ENPP5: variants seen among roughly 807,000 people sequenced by gnomAD.
The protein encoded by ENPP5 is E-NPP 5.
In ENPP5, 27 loss-of-function variants were observed where a neutral mutation model predicts 33.7. The observed-to-expected ratio is 0.80, with a 90% CI of 0.59 to 1.11. The LOEUF (loss-of-function observed/expected upper bound fraction) is 1.11, where lower values mean the gene tolerates loss of function less well. ENPP5 is among the 50% of genes least tolerant of loss of function. The probability of loss-of-function intolerance (pLI) is 0.00; values close to 1 mark genes in which losing one functional copy is unlikely to be tolerated. For missense variants in ENPP5, 552 were observed against 579.2 expected (o/e 0.95, Z 0.48); for synonymous variants, 199 against 200.5 (o/e 0.99, Z 0.06).
chr6:46,167,434 C>A lies in ENPP5; in HGVS notation c.829G>T (p.Gly277Cys). The A allele has an allele frequency of 6.3e-7, 1 of 1,597,150 alleles. No individual in the cohort carries two copies. Among genetic ancestry groups the A allele is most frequent in the Non-Finnish European group, 8.6e-7 (1 of 1,166,106 alleles). The stretch of plus-strand genomic sequence containing the variant: ...TCACCATTCATTCAGTCAGCCTTAC[C>A]TTCTTTTGGCAAGATGGCTGCTACT... The part of the protein sequence containing the change: ...SPVAAILPKE[G>C]KFDEVYEALT... Residue 277 changes from glycine to cysteine, a missense_variant and splice_region_variant, in exon 3 of 5, where the codon GGT (glycine) becomes TGT (cysteine). Gly to Cys is a radical substitution (Grantham distance 159, BLOSUM62 -3). Transcript: ENST00000371383.
At chr6:46,168,749 G>A (rs370465619) in intron 2 of ENPP5, among the ~76,000 whole-genome samples, 4 of 151,412 alleles carry the variant, frequency 2.6e-5, no homozygotes, top group Admixed American at 2.0e-4. Context: ...TCGAATAATG[G>A]TGCATATACA....
chr6:46,166,537 A>G (rs12526912), intron 3 of ENPP5, among the ~76,000 whole-genome samples: 65,606 of 149,248 alleles, frequency 0.44, 15,765 homozygotes, highest in South Asian at 0.67. Flanking sequence ...CTGCTGCCTC[A>G]GCCTCCCAAA....
At chr6:46,165,158 T>A (rs551837863) in intron 4 of ENPP5, 1 of 398,622 alleles carries the variant, frequency 2.5e-6, no homozygotes, top group Non-Finnish European at 4.4e-6. Context: ...ATAAACATGA[T>A]AGAAACCCAA....
chr6:46,161,833 C>G, intron 4 of ENPP5, 80 bp from the exon 5 acceptor site: 1 of 967,294 alleles, frequency 1.0e-6, no homozygotes, highest in East Asian at 2.4e-5. Flanking sequence ...AAATTCTGAA[C>G]TTAAATGCAC....
In ENPP5 at chr6:46,161,599, T is replaced by C. The variant is rs1581966024; in HGVS notation, c.1161A>G (p.Pro387=). ...LCHLLNITAM[P]HNGSFWNVQD... is the part of the protein sequence containing the mutation. ...GGACATTCCAGAATGATCCATTGTG[T>C]GGCATGGCGGTGATATTGAGGAGGT... Residue 387 remains proline, a synonymous_variant, in exon 5 of 5, where the codon CCA becomes CCG. Transcript: ENST00000371383. The C allele has an allele frequency of 1.9e-6, 3 of 1,614,116 alleles. No homozygotes were observed. The East Asian group carries it at 6.7e-5, about 36-fold the overall frequency.
chr6:46,167,815 A>AG lies in ENPP5; in HGVS notation c.447dup (p.Phe150LeufsTer10). ...TTGTAAGGCATGTAATGAGTAGGAA[A>AG]GCGCTTATGTATTTTTACATCTGTT... On this transcript the variant is annotated frameshift_variant, in exon 3 of 5. Coordinates refer to ENST00000371383, the MANE Select transcript of ENPP5 (RefSeq NM_001290072.2). LOFTEE classifies it high-confidence loss of function. 1 of 1,614,148 alleles carries AG rather than the reference A, an allele frequency of 6.2e-7. No individual in the cohort carries two copies. The highest frequency in any genetic ancestry group is 8.5e-7 in the Non-Finnish European group (1 of 1,180,006).
chr6:46,167,608 TGA>T lies in ENPP5; in HGVS notation c.653_654del (p.Leu218HisfsTer20). 2 of 1,613,872 alleles carry T rather than the reference TGA, an allele frequency of 1.2e-6. No individual in the cohort carries two copies. Among genetic ancestry groups the T allele is most frequent in the South Asian group, 2.2e-5 (2 of 91,078 alleles). ...ISDIDKKLGY[L>X]IQMLKKAKLW... ...AACTTTGCCTTTTTCAGCATTTGTA[TGA>T]GATATCCTAACTTCTTGTCAATATC... On this transcript the variant is annotated frameshift_variant, in exon 3 of 5. Coordinates refer to ENST00000371383, the MANE Select transcript of ENPP5 (RefSeq NM_001290072.2). LOFTEE classifies it high-confidence loss of function.
In ENPP5 at chr6:46,161,688, C is replaced by A. The variant is rs1764400543; in HGVS notation, c.1072G>T (p.Ala358Ser). The A allele has an allele frequency of 1.2e-6, 2 of 1,613,694 alleles. No individual in the cohort carries two copies. The highest frequency in any genetic ancestry group is 1.7e-5 in the Admixed American group (1 of 60,010). The part of the protein sequence containing the change: ...MHPIFLAHGP[A>S]FRKNFSKEAM... ...TCTTTTGAGAAATTCTTTCTGAAGGCAGGACCATGGGCTAAAAATATTGGA... is the reference window on the plus strand; with the variant it reads ...TCTTTTGAGAAATTCTTTCTGAAGGAAGGACCATGGGCTAAAAATATTGGA... The change falls in exon 5 of 5, where the codon GCC becomes TCC. Residue 358 changes from alanine (A) to serine (S), a missense_variant. By Grantham distance (99) the Ala-to-Ser change is moderately conservative. Coordinates refer to ENST00000371383, the MANE Select transcript of ENPP5 (RefSeq NM_001290072.2).
In ENPP5 at chr6:46,166,197, C is replaced by T. The variant is rs1764539031; in HGVS notation, c.830-634G>A. On this transcript the variant is annotated intron_variant, in intron 3 of 4. Transcript: ENST00000371383. ...TTTCTCCCCTTCCATTTCCTCTTCC[C>T]TTCCCTCTTCCCTTCCTCCTTCCCT... Among the ~76,000 whole-genome samples, 3 of 151,688 alleles carry T rather than the reference C, an allele frequency of 2.0e-5. No homozygotes were observed. The South Asian group carries it at 6.3e-4, about 32-fold the overall frequency.
At chr6:46,164,734 T>A (rs921655144) in intron 4 of ENPP5, among the ~76,000 whole-genome samples, 10 of 151,692 alleles carry the variant, frequency 6.6e-5, no homozygotes, top group Admixed American at 2.0e-4. Flanking sequence ...GTTTATTTTT[T>A]TTTTTTTGCT....
Position 46,167,720 on chromosome 6 carries a change from A to G in ENPP5, c.543T>C (p.Asn181=). ...GGTCTTCCCAATAGAGAAGACCAAG[A>G]TTTATGGGCTCTTTTGACGTAAACC... ...IEWFTSKEPI[N]LGLLYWEDPD... The change falls in exon 3 of 5, where the codon AAT becomes AAC. Residue 181 remains asparagine, a synonymous_variant. Transcript: ENST00000371383. The G allele has an allele frequency of 1.2e-6, 2 of 1,614,176 alleles. No homozygotes were observed. Among genetic ancestry groups the G allele is most frequent in the Middle Eastern group, 1.6e-4 (1 of 6,062 alleles).
At position 46,167,831 on chromosome 6, in the gene ENPP5, TA is replaced by T; in HGVS notation, c.431del (p.Val144GlufsTer37). 1 of 1,614,240 alleles carries T rather than the reference TA, an allele frequency of 6.2e-7. No individual in the cohort carries two copies. On this transcript the variant is annotated frameshift_variant, in exon 3 of 5. Coordinates refer to ENST00000371383, the MANE Select transcript of ENPP5 (RefSeq NM_001290072.2). LOFTEE classifies it high-confidence loss of function. ...SGAAMWPGTD[V>X]KIHKRFPTHY... ...GAGTAGGAAAGCGCTTATGTATTTT[TA>T]CATCTGTTCCGGGCCACATGGCTGC... is the stretch of plus-strand genomic sequence containing the variant.
intron 3 of ENPP5, among the ~76,000 whole-genome samples, chr6:46,166,569 G>A (rs1400919612): frequency 6.6e-6 from 1 of 151,484 alleles, no homozygotes; most frequent in East Asian, 1.9e-4. Context: ...ATAGGCGTGA[G>A]CAACCACTCC....
chr6:46,168,233 G>GA lies in ENPP5; in HGVS notation c.29dup (p.Ile11HisfsTer26). ...TTGAAAGACTCAGTGCAGCAAGTAT[G>GA]AAGGACACCAAGAGAAATTTCGAAG... On this transcript the variant is annotated frameshift_variant, in exon 3 of 5. Coordinates refer to ENST00000371383, the MANE Select transcript of ENPP5 (RefSeq NM_001290072.2). LOFTEE classifies it high-confidence loss of function. The GA allele has an allele frequency of 6.3e-7, 1 of 1,597,240 alleles. No homozygotes were observed.
rs746494023 is a variant in ENPP5, at chr6:46,159,599, T to TC, written c.*1726_*1727insG. The TC allele has an allele frequency of 6.6e-6, 1 of 151,952 alleles. No individual in the cohort carries two copies. The allele number at this position is 151,952 out of a possible 1,614,324, so 9.4% of individuals were successfully genotyped here. On this transcript the variant is annotated 3_prime_UTR_variant, in exon 5 of 5. Coordinates refer to ENST00000371383, the MANE Select transcript of ENPP5 (RefSeq NM_001290072.2). ...TTCCAATTATTTGATTCTATTCTAT[T>TC]AAGAGGTTTTATAATGAAATGGGAA...
rs1035141593 is a variant in ENPP5 at position 46,160,299 on chromosome 6, A to G, written c.*1027T>C. On this transcript the variant is annotated 3_prime_UTR_variant, in exon 5 of 5. Coordinates refer to ENST00000371383, the MANE Select transcript of ENPP5 (RefSeq NM_001290072.2). ...GATCGAGTGGCCAATATTTTACCTA[A>G]TATGGTTTGTGCTCTTTCGCAACTT... 1 of 152,116 alleles carries G rather than the reference A, an allele frequency of 6.6e-6. No individual in the cohort carries two copies. Among genetic ancestry groups the G allele is most frequent in the African/African-American group, 2.4e-5 (1 of 41,402 alleles). 9.4% of individuals were successfully genotyped at this position (152,116 alleles called of 1,614,324 possible). A position where few individuals can be genotyped will look rare whatever the true frequency, so the allele number is the denominator to read the frequency against.
intron 4 of ENPP5, among the ~76,000 whole-genome samples, chr6:46,163,808 G>GT (rs964957971): frequency 1.3e-5 from 2 of 151,922 alleles, no homozygotes; most frequent in African/African-American, 2.4e-5. Flanking sequence ...TTTTTCATGT[G>GT]TTTTTTTGAC....
In ENPP5 at chr6:46,167,934, T is replaced by G. The variant is rs763252089; in HGVS notation, c.329A>C (p.Asn110Thr). Reference protein sequence around the residue: ...RNKSFSLDHMNIYDSKFWEEA... With the variant: ...RNKSFSLDHMTIYDSKFWEEA... ...TTCCCAAAACTTGGAATCATAAATA[T>G]TCATGTGATCCAAGGAGAAAGATTT... The change falls in exon 3 of 5, where the codon AAT (asparagine) becomes ACT (threonine). Residue 110 changes from asparagine (N) to threonine (T), a missense_variant. Coordinates refer to ENST00000371383, the MANE Select transcript of ENPP5 (RefSeq NM_001290072.2). 3.7e-6 allele frequency: 6 copies of G among 1,614,226 alleles called. No individual in the cohort carries two copies. In the South Asian group the frequency reaches 6.6e-5, roughly 18 times the overall value.
Position 46,168,148 on chromosome 6 carries a change from G to T in ENPP5, c.115C>A (p.Arg39Ser). ...KVLLVSFDGF[R>S]WDYLYKVPTP... The stretch of plus-strand genomic sequence containing the variant: ...GGAACTTTATATAAGTAATCCCAAC[G>T]GAATCCATCAAAAGAAACTAGTAGA... The change falls in exon 3 of 5, where the codon CGT becomes AGT. Residue 39 changes from arginine (R) to serine (S), a missense_variant. By Grantham distance (110) the Arg-to-Ser change is moderately radical. Coordinates refer to ENST00000371383, the MANE Select transcript of ENPP5 (RefSeq NM_001290072.2). 6.2e-7 allele frequency: 1 copy of T among 1,613,546 alleles called. No homozygotes were observed. The highest frequency in any genetic ancestry group is 8.5e-7 in the Non-Finnish European group (1 of 1,179,544).
Sources: allele counts gnomAD v4.1 joint callset (sites outside exome capture counted in the v4.1 genomes callset), GRCh38; gene constraint gnomAD v4.1.1; transcripts MANE v1.5; gene names NCBI Gene and HGNC (gene_info 2026-07-23, HGNC 2026-07-21).